Variants in SEMA3A observed in about 807,000 individuals in gnomAD.
The protein encoded by SEMA3A is semaphorin 3A.
A neutral mutation model predicts 97.9 loss-of-function variants in SEMA3A; 29 were observed. That is an observed-to-expected ratio of 0.30 (90% CI 0.22 to 0.40). The LOEUF is 0.40. SEMA3A is among the 10% of genes least tolerant of loss of function. SEMA3A has a pLI of 1.00. For synonymous variants in SEMA3A, 321 were observed against 323.7 expected (o/e 0.99, Z 0.09); for missense variants, 763 against 951.3 (o/e 0.80, Z 2.60).
At chr7:84,146,138 A>G (rs1796456556) in intron 1 of SEMA3A, among the ~76,000 whole-genome samples, 1 of 152,220 alleles carries the variant, frequency 6.6e-6, no homozygotes, top group Admixed American at 6.5e-5. Flanking sequence ...ACACACAGTC[A>G]TAAATTAATT....
At position 84,011,183 on chromosome 7, in the gene SEMA3A, G is replaced by T; in HGVS notation, c.925C>A (p.Gln309Lys). 6.2e-7 allele frequency: 1 copy of T among 1,609,834 alleles called. No homozygotes were observed. Among genetic ancestry groups the T allele is most frequent in the Admixed American group, 1.7e-5 (1 of 59,984 alleles). ...CTATACATAAACACTAGCTTCTTAC[G>T]CAGTTCATCAAAATGAGTGTCAATG... The part of the protein sequence containing the change: ...NGIDTHFDEL[Q>K]DVFLMNFKDP... Residue 309 changes from glutamine to lysine, a missense_variant and splice_region_variant, in exon 8 of 17, where the codon CAG becomes AAG. This residue lies in a region of SEMA3A where 678 missense variants were observed against 881.3 expected (regional missense o/e 0.77). Coordinates refer to ENST00000265362, the MANE Select transcript of SEMA3A (RefSeq NM_006080.3).
chr7:84,111,820 T>C (rs905077807), intron 3 of SEMA3A, among the ~76,000 whole-genome samples: 3 of 152,180 alleles, frequency 2.0e-5, no homozygotes, highest in Non-Finnish European at 2.9e-5. Context: ...CTGAAATAAA[T>C]TGATCTTGCA....
intron 1 of SEMA3A, among the ~76,000 whole-genome samples, chr7:84,143,307 T>C (rs1796354284): frequency 6.6e-6 from 1 of 152,038 alleles, no homozygotes; most frequent in Admixed American, 6.6e-5. Flanking sequence ...AAGAGGAAAA[T>C]ATACATATTA....
chr7:84,487,791 T>G (rs1806613418), intron 1 of SEMA3A, among the ~76,000 whole-genome samples: 1 of 152,132 alleles, frequency 6.6e-6, no homozygotes, highest in Non-Finnish European at 1.5e-5. Flanking sequence ...TAAAAATCGT[T>G]TTTTTCTCTT....
intron 1 of SEMA3A, among the ~76,000 whole-genome samples, chr7:84,375,889 T>C (rs1391146763): frequency 6.6e-6 from 1 of 152,160 alleles, no homozygotes; most frequent in African/African-American, 2.4e-5. Context: ...TTCTACCCTC[T>C]GCTTTTATGA....
chr7:84,047,594 A>G (rs1475435700), intron 5 of SEMA3A, among the ~76,000 whole-genome samples: 8 of 152,036 alleles, frequency 5.3e-5, no homozygotes, highest in Admixed American at 1.3e-4. Context: ...TCTCTTCCAG[A>G]AAACATGTAA....
chr7:84,323,150 T>A (rs552242958), intron 2 of SEMA3A, among the ~76,000 whole-genome samples: 1 of 152,194 alleles, frequency 6.6e-6, no homozygotes, highest in Non-Finnish European at 1.5e-5. Context: ...CCATAAGTAT[T>A]AACAACAATG....
At chr7:84,331,733 C>A (rs866769466) in intron 2 of SEMA3A, among the ~76,000 whole-genome samples, 1 of 151,974 alleles carries the variant, frequency 6.6e-6, no homozygotes, top group Non-Finnish European at 1.5e-5. Context: ...ACATTTTAGA[C>A]CTTGGCATTT....
rs200700704 is a variant in SEMA3A, at chr7:84,203,492, TTG to T, written c.-82-8826_-82-8825del. On this transcript the variant is annotated intron_variant, in intron 3 of 3. Coordinates refer to the SEMA3A transcript ENST00000424555. ...TAACAGTTTTGTAGAAAGTATTTCT[TTG>T]TGTGTGTGTATATATATATATATAT... Among the ~76,000 whole-genome samples the T allele has an allele frequency of 4.9e-4, 61 of 123,962 alleles. 2 individuals are homozygous for T. Among genetic ancestry groups the T allele is most frequent in the African/African-American group, 9.6e-4 (31 of 32,160 alleles). The allele number at this position is 123,962 out of a possible 152,430, so 81.3% of individuals were successfully genotyped here.
At chr7:84,145,293 T>C (rs1796429759) in intron 1 of SEMA3A, among the ~76,000 whole-genome samples, 1 of 152,122 alleles carries the variant, frequency 6.6e-6, no homozygotes, top group Non-Finnish European at 1.5e-5. Flanking sequence ...GCTCCACTTC[T>C]AGAGTTAAAA....
intron 2 of SEMA3A, among the ~76,000 whole-genome samples, chr7:84,326,011 T>C (rs1006232489): frequency 1.3e-5 from 2 of 152,142 alleles, no homozygotes; most frequent in Non-Finnish European, 2.9e-5. Context: ...TATTTGTCTT[T>C]CTCTGTCAGG....
chr7:83,978,531 T>TA (rs1357369934), intron 14 of SEMA3A, among the ~76,000 whole-genome samples: 4 of 152,292 alleles, frequency 2.6e-5, no homozygotes, highest in African/African-American at 9.6e-5. Context: ...GCTGCTATTT[T>TA]AATGGGTATT....
At chr7:84,138,252 G>A (rs1024000674) in intron 1 of SEMA3A, among the ~76,000 whole-genome samples, 1 of 151,714 alleles carries the variant, frequency 6.6e-6, no homozygotes, top group Non-Finnish European at 1.5e-5. Flanking sequence ...CTTACTAAGT[G>A]TCCTAACTTG....
At chr7:84,279,018 CTAAT>C (rs1327389773) in intron 3 of SEMA3A, among the ~76,000 whole-genome samples, 1 of 151,948 alleles carries the variant, frequency 6.6e-6, no homozygotes, top group Non-Finnish European at 1.5e-5. Context: ...AGAATGCCAA[CTAAT>C]AAATGCATTA....
chr7:84,215,160 C>T (rs914092208), intron 3 of SEMA3A, among the ~76,000 whole-genome samples: 3 of 151,678 alleles, frequency 2.0e-5, no homozygotes, highest in African/African-American at 4.8e-5. Flanking sequence ...TGTGAGCCAC[C>T]GCGCCTGGCC....
At position 83,957,864 on chromosome 7, in the gene SEMA3A, G is replaced by A. The variant is rs1788328765; in HGVS notation, c.*3507C>T. On this transcript the variant is annotated 3_prime_UTR_variant, in exon 17 of 17. Transcript: ENST00000265362. ...ACATGTTATTACACGATACGGGGGTGTTGAATCCTATTTAAGTCTGTCTTT... is the reference window on the plus strand; with the variant it reads ...ACATGTTATTACACGATACGGGGGTATTGAATCCTATTTAAGTCTGTCTTT... 1.3e-5 allele frequency: 2 copies of A among 152,026 alleles called. No individual in the cohort carries two copies. Among genetic ancestry groups the A allele is most frequent in the South Asian group, 4.1e-4 (2 of 4,824 alleles). 9.4% of individuals were successfully genotyped at this position (152,026 alleles called of 1,614,324 possible).
intron 1 of SEMA3A, among the ~76,000 whole-genome samples, chr7:84,187,098 G>A (rs969825914): frequency 1.3e-5 from 2 of 152,152 alleles, no homozygotes; most frequent in Non-Finnish European, 2.9e-5. Context: ...ACAAGTGTAG[G>A]AGGGGAAGCA....
At chr7:84,106,418 G>A (rs1183087614) in intron 4 of SEMA3A, among the ~76,000 whole-genome samples, 1 of 152,126 alleles carries the variant, frequency 6.6e-6, no homozygotes, top group Admixed American at 6.6e-5. Context: ...TAGGTATATA[G>A]TAGGCTATCC....
rs1486522937 is a variant in SEMA3A, at chr7:84,043,241, T to C, written c.667+3083A>G. ...GAAGTTTCTTAATCTGAAAGTGTTA[T>C]TCATTCCTAAATTTTCCTGCTAAAA... is the stretch of plus-strand genomic sequence containing the variant. On this transcript the variant is annotated intron_variant, in intron 6 of 16. Coordinates refer to ENST00000265362, the MANE Select transcript of SEMA3A (RefSeq NM_006080.3). Among the ~76,000 whole-genome samples, 10 of 152,036 alleles carry C rather than the reference T, an allele frequency of 6.6e-5. No individual in the cohort carries two copies. The East Asian group carries it at 1.9e-3, about 29-fold the overall frequency.
Sources: gnomAD v4.1 joint callset for allele counts (sites outside exome capture counted in the v4.1 genomes callset) on GRCh38, gnomAD v4.1.1 for gene constraint, gnomAD v4.1.1 regional missense constraint, MANE v1.5 for transcripts, NCBI Gene and HGNC (gene_info 2026-07-23, HGNC 2026-07-21) for gene names.